Variants in GABRG3 observed in about 807,000 individuals in gnomAD.
GABRG3 encodes gamma-aminobutyric acid type A receptor subunit gamma3, also known as gamma-aminobutyric acid receptor subunit gamma-3.
GABRG3 carries 25 observed loss-of-function variants against 48.8 expected under a neutral mutation model. The ratio of observed to expected loss-of-function variants is 0.51; its 90% CI spans 0.37 to 0.72. The LOEUF is 0.72. GABRG3 is among the 30% of genes least tolerant of loss of function. The pLI is 0.00. For missense variants in GABRG3, 394 were observed against 577.9 expected (o/e 0.68, Z 3.26); for synonymous variants, 227 against 217.6 (o/e 1.04, Z -0.38).
At chr15:27,200,252 T>C (rs1469991132) in intron 3 of GABRG3, among the ~76,000 whole-genome samples, 1 of 152,220 alleles carries the variant, frequency 6.6e-6, no homozygotes, top group Non-Finnish European at 1.5e-5. Flanking sequence ...TAACTTTAAA[T>C]TTAGTTTATG....
At chr15:27,404,699 A>G (rs1272007263) in intron 5 of GABRG3, among the ~76,000 whole-genome samples, 1 of 152,128 alleles carries the variant, frequency 6.6e-6, no homozygotes, top group East Asian at 1.9e-4. Flanking sequence ...CCCACTTGGG[A>G]CTGTGTGACA....
chr15:27,400,928 G>A (rs1464773499), intron 5 of GABRG3, among the ~76,000 whole-genome samples: 3 of 152,190 alleles, frequency 2.0e-5, no homozygotes, highest in South Asian at 2.1e-4. Flanking sequence ...ACAGTCTCCC[G>A]TTTCATGGAT....
chr15:27,308,179 T>G (rs116783751), intron 3 of GABRG3, among the ~76,000 whole-genome samples: 1,844 of 38,648 alleles, frequency 0.048, 450 homozygotes, highest in African/African-American at 0.1. Flanking sequence ...TGTTTATATA[T>G]CCAAACATAT....
intron 3 of GABRG3, among the ~76,000 whole-genome samples, chr15:27,039,509 C>A (rs1196275337): frequency 1.3e-5 from 2 of 152,160 alleles, no homozygotes; most frequent in African/African-American, 2.4e-5. Context: ...TGTAAGGAAT[C>A]CCTGCATTGG....
chr15:27,417,961 G>A (rs72705756), intron 5 of GABRG3, among the ~76,000 whole-genome samples: 1,716 of 152,214 alleles, frequency 0.011, 25 homozygotes, highest in South Asian at 0.06. Flanking sequence ...ATTTCCTGTG[G>A]GGCTTTTGCG....
At chr15:27,383,946 C>T (rs1382747693) in intron 5 of GABRG3, among the ~76,000 whole-genome samples, 1 of 152,106 alleles carries the variant, frequency 6.6e-6, no homozygotes, top group African/African-American at 2.4e-5. Flanking sequence ...TTGGTGGAGG[C>T]CAAACAACTG....
chr15:27,371,930 A>G (rs1005103884), intron 5 of GABRG3, among the ~76,000 whole-genome samples: 7 of 152,234 alleles, frequency 4.6e-5, no homozygotes, highest in African/African-American at 1.7e-4. Flanking sequence ...AAACAAAGTG[A>G]CATGCTGGAT....
At chr15:27,488,598 G>A (rs1436907740) in intron 6 of GABRG3, among the ~76,000 whole-genome samples, 2 of 152,192 alleles carry the variant, frequency 1.3e-5, no homozygotes, top group South Asian at 2.1e-4. Flanking sequence ...ATTTCCCAAT[G>A]AATCCACCTG....
chr15:27,522,450 T>G (rs1234368131), intron 7 of GABRG3, among the ~76,000 whole-genome samples: 1 of 151,780 alleles, frequency 6.6e-6, no homozygotes, highest in Non-Finnish European at 1.5e-5. Flanking sequence ...AAAAAACTAG[T>G]TTTCTATTTT....
At chr15:27,203,567 G>T (rs142846907) in intron 3 of GABRG3, among the ~76,000 whole-genome samples, 3 of 152,248 alleles carry the variant, frequency 2.0e-5, no homozygotes, top group Admixed American at 2.0e-4. Context: ...CCAGTAATGG[G>T]ATTGTTGGGT....
At chr15:27,099,502 C>A (rs1161988526) in intron 3 of GABRG3, among the ~76,000 whole-genome samples, 1 of 151,966 alleles carries the variant, frequency 6.6e-6, no homozygotes, top group Non-Finnish European at 1.5e-5. Context: ...TAGATTAGAA[C>A]CTACTGTAAT....
Position 27,159,923 on chromosome 15 carries a change from G to A in GABRG3, c.270+133102G>A, listed in dbSNP as rs553872872. Among the ~76,000 whole-genome samples, 26 of 152,200 alleles carry A rather than the reference G, an allele frequency of 1.7e-4. No homozygotes were observed. The South Asian group carries it at 4.4e-3, about 26-fold the overall frequency. On this transcript the variant is annotated intron_variant, in intron 3 of 9. Transcript: ENST00000615808. ...TAGTGTTTTGTTGGCAGCTGTGATG[G>A]AAGCACACAGCCCTCTCCATGGGTT...
chr15:27,335,216 G>A (rs1243473840), intron 5 of GABRG3, among the ~76,000 whole-genome samples: 1 of 135,298 alleles, frequency 7.4e-6, no homozygotes, highest in Non-Finnish European at 1.5e-5. Context: ...ACAAGACCCT[G>A]TTTGAGTCCC....
At chr15:27,410,415 A>T (rs1887761169) in intron 5 of GABRG3, among the ~76,000 whole-genome samples, 1 of 152,182 alleles carries the variant, frequency 6.6e-6, no homozygotes, top group Admixed American at 6.5e-5. Flanking sequence ...TATTGTGGGA[A>T]CTATTTCATC....
At chr15:27,418,398 T>C (rs964288734) in intron 5 of GABRG3, among the ~76,000 whole-genome samples, 2 of 152,208 alleles carry the variant, frequency 1.3e-5, no homozygotes, top group Non-Finnish European at 2.9e-5. Flanking sequence ...CCCAGACTCT[T>C]CCTTGACCCC....
rs1159048359 is a variant in GABRG3, at chr15:27,179,933, C to T, written c.271-146876C>T. ...TGTTCTCTTGATTCACAGTTCATCG[C>T]CTCCTAGATGAGGCTGGGCGTGGCT... On this transcript the variant is annotated intron_variant, in intron 3 of 9. Transcript: ENST00000615808. This position sits in a 1 kb window ranked among gnomAD's most constrained non-coding sequence, Gnocchi z 4.0. 1.3e-5 allele frequency among the ~76,000 whole-genome samples: 2 copies of T among 152,180 alleles called. No individual in the cohort carries two copies. Among genetic ancestry groups the T allele is most frequent in the African/African-American group, 2.4e-5 (1 of 41,440 alleles).
chr15:27,323,450 T>C (rs1893499032), intron 3 of GABRG3, among the ~76,000 whole-genome samples: 1 of 152,178 alleles, frequency 6.6e-6, no homozygotes, highest in South Asian at 2.1e-4. Flanking sequence ...AGTAAACCAG[T>C]GTTCAAAGAA....
intron 2 of GABRG3, among the ~76,000 whole-genome samples, chr15:26,998,097 A>C (rs1167117818): frequency 2.0e-5 from 3 of 152,250 alleles, no homozygotes; most frequent in Non-Finnish European, 2.9e-5. Flanking sequence ...GCCTGTGCAC[A>C]GAATTTCTGA....
intron 3 of GABRG3, among the ~76,000 whole-genome samples, chr15:27,315,792 A>C (rs1893193140): frequency 1.3e-5 from 2 of 152,192 alleles, no homozygotes; most frequent in Non-Finnish European, 2.9e-5. Context: ...GATTTATGTG[A>C]TGATTTCCTA....
Sources: allele counts gnomAD v4.1 joint callset (sites outside exome capture counted in the v4.1 genomes callset), GRCh38; gene constraint gnomAD v4.1.1; non-coding constraint Gnocchi (gnomAD v3.1); transcripts MANE v1.5; gene names NCBI Gene and HGNC (gene_info 2026-07-23, HGNC 2026-07-21).